Variants in NEK10 observed in about 807,000 individuals in gnomAD.
NEK10 encodes the protein NIMA related kinase 10, also known as serine/threonine-protein kinase Nek10.
In NEK10, 122 loss-of-function variants were observed where a neutral mutation model predicts 159.8. The observed-to-expected ratio is 0.76, with a 90% confidence interval of 0.66 to 0.89. NEK10 has a LOEUF of 0.89. NEK10 is among the 40% of genes least tolerant of loss of function. The pLI, the probability that NEK10 is intolerant of heterozygous loss-of-function variation, is 0.00. For synonymous variants in NEK10, 466 were observed against 457.1 expected (o/e 1.02, Z -0.25); for missense variants, 1,342 against 1,323.1 (o/e 1.01, Z -0.22).
chr3:27,138,872 G>T (rs1943494259), intron 31 of NEK10, among the ~76,000 whole-genome samples: 1 of 152,222 alleles, frequency 6.6e-6, no homozygotes, highest in African/African-American at 2.4e-5. Flanking sequence ...CCAAATAGCT[G>T]CTGTTCTTGA....
intron 23 of NEK10, chr3:27,215,474 G>C: frequency 2.5e-6 from 1 of 394,392 alleles, no homozygotes; most frequent in East Asian, 3.9e-5. Flanking sequence ...TGTGTTATAA[G>C]AATTGCCAAA....
intron 6 of NEK10, among the ~76,000 whole-genome samples, chr3:27,316,999 G>A (rs997743717): frequency 2.0e-5 from 3 of 152,292 alleles, no homozygotes; most frequent in Non-Finnish European, 2.9e-5. Flanking sequence ...CCCAGGACAC[G>A]TATTACTCCT....
chr3:27,288,821 CAT>C (rs2042798741), intron 19 of NEK10, among the ~76,000 whole-genome samples: 1 of 152,146 alleles, frequency 6.6e-6, no homozygotes, highest in South Asian at 2.1e-4. Context: ...GGCTTGCTTG[CAT>C]CTCTTTTTGG....
intron 31 of NEK10, among the ~76,000 whole-genome samples, chr3:27,134,170 T>A (rs973568621): frequency 1.3e-5 from 2 of 151,744 alleles, no homozygotes; most frequent in African/African-American, 4.9e-5. Flanking sequence ...TATATGTGTG[T>A]GAGAGAGAAA....
intron 22 of NEK10, among the ~76,000 whole-genome samples, chr3:27,258,948 T>A (rs2040143771): frequency 6.6e-6 from 1 of 152,264 alleles, no homozygotes; most frequent in African/African-American, 2.4e-5. Flanking sequence ...GTGGTTTTGA[T>A]TTGCATTTCT....
intron 25 of NEK10, 71 bp downstream of exon 25, chr3:27,201,439 A>G (rs1950030895): frequency 3.9e-6 from 5 of 1,283,962 alleles, no homozygotes; most frequent in African/African-American, 2.9e-5. Context: ...TTATCCATAA[A>G]TAGTGATTTA....
chr3:27,256,391 G>C lies in NEK10; in HGVS notation c.2015-20C>G, dbSNP rs747962057. 7.3e-6 allele frequency: 11 copies of C among 1,498,794 alleles called. No individual in the cohort carries two copies. Among genetic ancestry groups the C allele is most frequent in the Non-Finnish European group, 9.9e-6 (11 of 1,108,242 alleles). The allele number at this position is 1,498,794 out of a possible 1,614,324, so 92.8% of individuals were successfully genotyped here. ...AGTCAGCTACAATTCACAAAACAAC[G>C]CAATATGTTACTATATTTTCCCAGA... On this transcript the variant is annotated intron_variant, in intron 22 of 35. Coordinates refer to ENST00000691995, the MANE Select transcript of NEK10 (RefSeq NM_001394966.1).
chr3:27,111,893 G>A (rs923925603), intron 35 of NEK10, among the ~76,000 whole-genome samples: 5 of 152,114 alleles, frequency 3.3e-5, no homozygotes, highest in Non-Finnish European at 5.9e-5. Flanking sequence ...TATATAAAAC[G>A]TAATTTATCA....
chr3:27,292,332 A>G (rs952390823), intron 16 of NEK10, among the ~76,000 whole-genome samples: 1 of 152,184 alleles, frequency 6.6e-6, no homozygotes, highest in African/African-American at 2.4e-5. Flanking sequence ...GAGCACTTTC[A>G]CAAATGTCAT....
intron 23 of NEK10, among the ~76,000 whole-genome samples, chr3:27,203,435 C>G (rs1312626670): frequency 1.3e-5 from 2 of 152,140 alleles, no homozygotes; most frequent in Non-Finnish European, 2.9e-5. Context: ...AAATAATTTG[C>G]AACGGTTCAT....
In NEK10 at chr3:27,270,782, G is replaced by A. The variant is rs563853713; in HGVS notation, c.2014+13820C>T. The stretch of plus-strand genomic sequence containing the variant: ...TACAAGGTTAAAACTCTACAAAGAC[G>A]TTTGATAAATACTAAGAATAAAAGC... On this transcript the variant is annotated intron_variant, in intron 22 of 35. Coordinates refer to ENST00000691995, the MANE Select transcript of NEK10 (RefSeq NM_001394966.1). Among the ~76,000 whole-genome samples, 66 of 151,828 alleles carry A rather than the reference G, an allele frequency of 4.3e-4. 2 individuals are homozygous for A. The highest frequency in any genetic ancestry group is 2.0e-4 in the East Asian group (1 of 5,096).
intron 11 of NEK10, among the ~76,000 whole-genome samples, chr3:27,307,078 A>G (rs2044302431): frequency 6.6e-6 from 1 of 152,160 alleles, no homozygotes; most frequent in South Asian, 2.1e-4. Flanking sequence ...ACCCTCTTCT[A>G]CACTACATAT....
At chr3:27,164,059 C>T (rs1186215379) in intron 29 of NEK10, among the ~76,000 whole-genome samples, 1 of 152,200 alleles carries the variant, frequency 6.6e-6, no homozygotes, top group South Asian at 2.1e-4. Context: ...CTAACACTCT[C>T]TTGATCTCAT....
intron 35 of NEK10, among the ~76,000 whole-genome samples, chr3:27,113,430 C>A (rs1939883105): frequency 2.4e-5 from 2 of 83,168 alleles, no homozygotes; most frequent in African/African-American, 6.3e-5. Context: ...AACGAGATTC[C>A]ATCTCAAAAA....
At chr3:27,164,937 A>C (rs544326324) in intron 29 of NEK10, among the ~76,000 whole-genome samples, 1 of 152,346 alleles carries the variant, frequency 6.6e-6, no homozygotes, top group East Asian at 1.9e-4. Context: ...TGTTATGCAT[A>C]ATGTGTGCTA....
intron 3 of NEK10, among the ~76,000 whole-genome samples, chr3:27,346,424 T>G (rs2047559195): frequency 6.6e-6 from 1 of 152,256 alleles, no homozygotes; most frequent in Non-Finnish European, 1.5e-5. Flanking sequence ...TTTTTCTTCA[T>G]AGCTTGTAAC....
intron 22 of NEK10, among the ~76,000 whole-genome samples, chr3:27,277,287 C>T (rs1029847673): frequency 6.6e-6 from 1 of 152,134 alleles, no homozygotes; most frequent in African/African-American, 2.4e-5. Context: ...ACTACTCACT[C>T]TCAGACCCCT....
At chr3:27,128,179 AC>A (rs1942191449) in intron 32 of NEK10, among the ~76,000 whole-genome samples, 1 of 152,176 alleles carries the variant, frequency 6.6e-6, no homozygotes, top group Middle Eastern at 3.2e-3. Context: ...TATTAAGTGA[AC>A]CTCTGCAGTT....
chr3:27,110,127 T>C lies in NEK10; in HGVS notation c.*1145A>G, dbSNP rs543741084. 1 of 152,310 alleles carries C rather than the reference T, an allele frequency of 6.6e-6. No individual in the cohort carries two copies. The highest frequency in any genetic ancestry group is 2.4e-5 in the African/African-American group (1 of 41,558). 9.4% of individuals were successfully genotyped at this position (152,310 alleles called of 1,614,324 possible). Reference sequence around the variant, plus strand: ...ATAATTTCAACTTTCAGATTACTAATTATGTAGAATAAATTGCTCTTTAGG... The same window carrying C: ...ATAATTTCAACTTTCAGATTACTAACTATGTAGAATAAATTGCTCTTTAGG... On this transcript the variant is annotated 3_prime_UTR_variant, in exon 36 of 36. Coordinates refer to ENST00000691995, the MANE Select transcript of NEK10 (RefSeq NM_001394966.1).
Sources: gnomAD v4.1 joint callset for allele counts (sites outside exome capture counted in the v4.1 genomes callset) on GRCh38, gnomAD v4.1.1 for gene constraint, MANE v1.5 for transcripts, NCBI Gene and HGNC (gene_info 2026-07-23, HGNC 2026-07-21) for gene names.